The following MND1 variants were observed in gnomAD, a reference collection of about 807,000 sequenced individuals.
MND1 encodes the protein meiotic nuclear divisions 1.
MND1 carries 28 observed loss-of-function variants against 35.1 expected under a neutral mutation model. The observed-to-expected ratio is 0.80, with a 90% CI of 0.59 to 1.09. MND1 has a LOEUF of 1.09. Among genes scored for constraint, MND1 ranks in the 50% least tolerant of loss-of-function variants. The pLI is 0.00. For synonymous variants in MND1, 69 were observed against 70.5 expected, an observed-to-expected ratio of 0.98 and a Z score of 0.11; for missense variants, 213 against 239.6, an observed-to-expected ratio of 0.89 and a Z score of 0.73.
chr4:153,356,665 T>C (rs1224646290), intron 3 of MND1, among the ~76,000 whole-genome samples: 2 of 152,070 alleles, frequency 1.3e-5, no homozygotes, highest in East Asian at 3.8e-4. Flanking sequence ...TTGAATTCTT[T>C]ATTGTATTTT....
Position 153,413,142 on chromosome 4 carries a change from G to T in MND1, c.512-1609G>T, listed in dbSNP as rs185733848. ...CTCTTTAAAGATCTGTTTCAATATA[G>T]TCACATTCTGAGGTAGTAGGGGCTA... On this transcript the variant is annotated intron_variant, in intron 7 of 7. Coordinates refer to ENST00000240488, the MANE Select transcript of MND1 (RefSeq NM_032117.4). Among the ~76,000 whole-genome samples the T allele has an allele frequency of 1.7e-3, 262 of 152,104 alleles. 2 individuals carry two copies. In the East Asian group the frequency reaches 0.044, roughly 26 times the overall value.
At chr4:153,374,681 T>C (rs1218272217) in intron 4 of MND1, among the ~76,000 whole-genome samples, 1 of 152,088 alleles carries the variant, frequency 6.6e-6, no homozygotes, top group African/African-American at 2.4e-5. Flanking sequence ...ATTCCAATTA[T>C]GTGCAGGAAT....
intron 4 of MND1, among the ~76,000 whole-genome samples, chr4:153,389,852 T>C (rs889019348): frequency 6.6e-6 from 1 of 152,208 alleles, no homozygotes; most frequent in Non-Finnish European, 1.5e-5. Flanking sequence ...TTGGGTTTGT[T>C]ACTGTAAGAA....
Position 153,358,471 on chromosome 4 carries a change from T to G in MND1, c.128-3T>G. The G allele has an allele frequency of 6.3e-7, 1 of 1,586,844 alleles. No individual in the cohort carries two copies. Among genetic ancestry groups the G allele is most frequent in the East Asian group, 2.3e-5 (1 of 44,110 alleles). ...CATAGAGTCTTTAAAAATTGTCTCTTAGCTGCTATGTCAGTAAAAGAAGTC... is the reference window on the plus strand; with the variant it reads ...CATAGAGTCTTTAAAAATTGTCTCTGAGCTGCTATGTCAGTAAAAGAAGTC... On this transcript the variant is annotated splice_polypyrimidine_tract_variant and splice_region_variant and intron_variant, in intron 3 of 7. Transcript: ENST00000240488.
Position 153,358,636 on chromosome 4 carries a change from G to A in MND1, c.276+14G>A. ...CTGGAATCTCAGGTAAGCTGCCACAGTTAAAAAGAATAGAGTTGCTTTATA... is the reference window on the plus strand; with the variant it reads ...CTGGAATCTCAGGTAAGCTGCCACAATTAAAAAGAATAGAGTTGCTTTATA... On this transcript the variant is annotated intron_variant, in intron 4 of 7. Transcript: ENST00000240488. 6.2e-7 allele frequency: 1 copy of A among 1,609,422 alleles called. No homozygotes were observed. Among genetic ancestry groups the A allele is most frequent in the Non-Finnish European group, 8.5e-7 (1 of 1,178,440 alleles).
intron 5 of MND1, among the ~76,000 whole-genome samples, chr4:153,394,632 T>C (rs1201577850): frequency 6.6e-6 from 1 of 152,218 alleles, no homozygotes; most frequent in African/African-American, 2.4e-5. Context: ...ACAAAATCTG[T>C]TATACTTCAT....
At chr4:153,413,766 C>T (rs1729757991) in intron 7 of MND1, among the ~76,000 whole-genome samples, 1 of 151,622 alleles carries the variant, frequency 6.6e-6, no homozygotes, top group African/African-American at 2.4e-5. Context: ...CTGTCACGGT[C>T]CTGCCTCCCT....
chr4:153,394,705 A>G (rs1273481903), intron 5 of MND1, among the ~76,000 whole-genome samples: 1 of 152,180 alleles, frequency 6.6e-6, no homozygotes. Context: ...GACCTGGTAC[A>G]TGGTAAGCCC....
intron 4 of MND1, among the ~76,000 whole-genome samples, chr4:153,372,612 C>T (rs1579918343): frequency 6.6e-6 from 1 of 152,286 alleles, no homozygotes; most frequent in East Asian, 1.9e-4. Flanking sequence ...TCTTCCTTCC[C>T]TACACTGCTC....
At chr4:153,344,662 A>G, upstream of MND1, 4 of 1,384,628 alleles carry the variant, frequency 2.9e-6, no homozygotes, top group Non-Finnish European at 3.9e-6. Context: ...CGGCGCCAAA[A>G]TCAAACGCGT....
chr4:153,386,714 TCAA>T (rs112753584), intron 4 of MND1, among the ~76,000 whole-genome samples: 4,412 of 152,050 alleles, frequency 0.029, 227 homozygotes, highest in African/African-American at 0.098. Flanking sequence ...AGACTCCATC[TCAA>T]CAACAACAAC....
intron 6 of MND1, among the ~76,000 whole-genome samples, chr4:153,402,647 C>T (rs2149656896): frequency 6.6e-6 from 1 of 152,280 alleles, no homozygotes; most frequent in South Asian, 2.1e-4. Flanking sequence ...GAGCCTTGAT[C>T]CCAAAGAATT....
At chr4:153,411,666 T>C (rs747185720) in intron 7 of MND1, among the ~76,000 whole-genome samples, 2 of 152,202 alleles carry the variant, frequency 1.3e-5, no homozygotes, top group African/African-American at 2.4e-5. Context: ...TCAATAGTCT[T>C]ACCCTGGTGC....
chr4:153,411,880 T>C (rs758765002), intron 7 of MND1, among the ~76,000 whole-genome samples: 2 of 152,236 alleles, frequency 1.3e-5, no homozygotes, highest in African/African-American at 4.8e-5. Context: ...TTCACTCTTA[T>C]GTCAACTTGA....
intron 4 of MND1, among the ~76,000 whole-genome samples, chr4:153,359,496 A>G (rs1773426946): frequency 6.6e-6 from 1 of 152,276 alleles, no homozygotes; most frequent in Non-Finnish European, 1.5e-5. Flanking sequence ...TGCCATAAGC[A>G]TTCATGTGTA....
rs142069532 is a variant in MND1, at chr4:153,409,164, A to G, written c.511+149A>G. The G allele has an allele frequency of 6.1e-3, 1,687 of 278,290 alleles. 14 individuals carry two copies. Among genetic ancestry groups the G allele is most frequent in the Non-Finnish European group, 8.6e-3 (1,251 of 145,002 alleles). The allele number at this position is 278,290 out of a possible 1,614,324, so 17.2% of individuals were successfully genotyped here. Reference sequence around the variant, plus strand: ...TACTCAAATGTTTACATATTAAATCATTTCAGTTATTTAAGGTTTTTTTTA... The same window carrying G: ...TACTCAAATGTTTACATATTAAATCGTTTCAGTTATTTAAGGTTTTTTTTA... On this transcript the variant is annotated intron_variant, in intron 7 of 7. Transcript: ENST00000240488.
chr4:153,371,949 G>T (rs1226537289), intron 4 of MND1, among the ~76,000 whole-genome samples: 1 of 152,040 alleles, frequency 6.6e-6, no homozygotes, highest in African/African-American at 2.4e-5. Context: ...CCACTGTAGG[G>T]TTATTAATTG....
In MND1 at chr4:153,384,443, A is replaced by ATTTTTTTTTTTTTTTTT. The variant is rs561004288; in HGVS notation, c.277-9806_277-9790dup. Among the ~76,000 whole-genome samples, 26 of 63,188 alleles carry ATTTTTTTTTTTTTTTTT rather than the reference A, an allele frequency of 4.1e-4. 4 individuals carry two copies. The highest frequency in any genetic ancestry group is 1.8e-3 in the East Asian group (3 of 1,700). 41.5% of individuals were successfully genotyped at this position (63,188 alleles called of 152,430 possible). On this transcript the variant is annotated intron_variant, in intron 4 of 7. Coordinates refer to ENST00000240488, the MANE Select transcript of MND1 (RefSeq NM_032117.4). The stretch of plus-strand genomic sequence containing the variant: ...TGCCACCATGCCCAGCTAATGTTTA[A>ATTTTTTTTTTTTTTTTT]TTTTTTTTTTTTTTTTTTTTTTTTT...
At chr4:153,355,752 C>G in intron 3 of MND1, 41 bp downstream of exon 3, 1 of 1,242,554 alleles carries the variant, frequency 8.0e-7, no homozygotes, top group South Asian at 1.3e-5. Context: ...GGGAAATATA[C>G]TGGGATGTTT....
Sources: allele counts gnomAD v4.1 joint callset (sites outside exome capture counted in the v4.1 genomes callset), GRCh38; gene constraint gnomAD v4.1.1; transcripts MANE v1.5; gene names NCBI Gene and HGNC (gene_info 2026-07-23, HGNC 2026-07-21).